MIR2052HG: variants seen among roughly 807,000 people sequenced by gnomAD.
MIR2052HG encodes MIR2052 host gene.
chr8:74,618,732 A>G (rs1808319492), intron 2 of MIR2052HG, among the ~76,000 whole-genome samples: 2 of 152,254 alleles, frequency 1.3e-5, no homozygotes, highest in African/African-American at 4.8e-5. Context: ...GAGATAAGGA[A>G]CAAGACAAAG....
chr8:74,667,283 G>A (rs999379842), intron 2 of MIR2052HG, among the ~76,000 whole-genome samples: 2 of 152,122 alleles, frequency 1.3e-5, no homozygotes, highest in African/African-American at 2.4e-5. Context: ...CAGGGCTGTG[G>A]CAGTAAGGGC....
Position 74,649,846 on chromosome 8 carries a change from T to A in MIR2052HG, n.216+36906T>A, listed in dbSNP as rs148715803. Among the ~76,000 whole-genome samples the A allele has an allele frequency of 2.4e-3, 358 of 152,208 alleles. 1 individual carries two copies. The highest frequency in any genetic ancestry group is 7.9e-3 in the African/African-American group (329 of 41,556). On this transcript the variant is annotated intron_variant and non_coding_transcript_variant, in intron 2 of 6. Transcript: ENST00000523442. The stretch of plus-strand genomic sequence containing the variant: ...AATATTTATGTAATATTTTATATTT[T>A]TTTTCAAAGAACTCTACATCTATAT...
intron 4 of MIR2052HG, among the ~76,000 whole-genome samples, chr8:74,744,987 G>A (rs756766402): frequency 6.6e-6 from 1 of 152,130 alleles, no homozygotes; most frequent in Non-Finnish European, 1.5e-5. Context: ...TACAAGGTCC[G>A]GGTGTGGTGG....
intron 4 of MIR2052HG, among the ~76,000 whole-genome samples, chr8:74,729,650 G>C (rs1044086851): frequency 1.3e-5 from 2 of 152,114 alleles, no homozygotes; most frequent in Non-Finnish European, 2.9e-5. Context: ...GTGTTGGAAG[G>C]AACATGATAG....
chr8:74,612,899 G>T, exon 2 of MIR2052HG: 1 of 456,260 alleles, frequency 2.2e-6, no homozygotes, highest in Non-Finnish European at 4.4e-6. Context: ...CAGCTTTGGA[G>T]CAAGTGGAGA....
chr8:74,683,887 C>G (rs1010931212), intron 2 of MIR2052HG, among the ~76,000 whole-genome samples: 5 of 152,038 alleles, frequency 3.3e-5, no homozygotes, highest in African/African-American at 9.7e-5. Context: ...GCTATGACCA[C>G]GGAACTTCAG....
chr8:74,687,462 T>A (rs2128739609), intron 2 of MIR2052HG, among the ~76,000 whole-genome samples: 1 of 152,184 alleles, frequency 6.6e-6, no homozygotes, highest in African/African-American at 2.4e-5. Context: ...CAGTGACAGA[T>A]GAATAGATAA....
At chr8:74,753,330 A>G (rs930558994) in intron 5 of MIR2052HG, among the ~76,000 whole-genome samples, 2 of 152,202 alleles carry the variant, frequency 1.3e-5, no homozygotes, top group Non-Finnish European at 2.9e-5. Context: ...AATATGTTAA[A>G]TTAGATTTTT....
In MIR2052HG at chr8:74,655,740, A is replaced by G. The variant is rs1808800001; in HGVS notation, n.216+42800A>G. Among the ~76,000 whole-genome samples the G allele has an allele frequency of 2.0e-5, 3 of 152,174 alleles. No individual in the cohort carries two copies. In the South Asian group the frequency reaches 6.2e-4, roughly 32 times the overall value. ...GGTTGGATCCCCCCCAAACACACAT[A>G]GCATCCATACTAGGGCATCATCTAG... On this transcript the variant is annotated intron_variant and non_coding_transcript_variant, in intron 2 of 6. Coordinates refer to ENST00000523442, the Ensembl canonical transcript of MIR2052HG.
At chr8:74,620,800 G>A (rs1460520691) in intron 2 of MIR2052HG, among the ~76,000 whole-genome samples, 2 of 152,330 alleles carry the variant, frequency 1.3e-5, no homozygotes, top group South Asian at 2.1e-4. Context: ...CATTGTCTTG[G>A]TGATTAACAT....
intron 4 of MIR2052HG, chr8:74,705,690 T>C (rs1215312909): frequency 5.9e-6 from 1 of 170,306 alleles, no homozygotes; most frequent in African/African-American, 2.4e-5. Context: ...GAAAAGCTGG[T>C]TGCTGTTTTG....
chr8:74,732,901 G>T (rs957232284), intron 4 of MIR2052HG, among the ~76,000 whole-genome samples: 1 of 152,100 alleles, frequency 6.6e-6, no homozygotes, highest in African/African-American at 2.4e-5. Context: ...GTAGGCTTGG[G>T]TAGGGAGTCT....
chr8:74,604,138 A>G, intron 1 of MIR2052HG: 1 of 890,460 alleles, frequency 1.1e-6, no homozygotes, highest in Non-Finnish European at 1.9e-6. Context: ...CATCTTCTTA[A>G]CTGATTCTCC....
intron 2 of MIR2052HG, among the ~76,000 whole-genome samples, chr8:74,623,947 A>G (rs1468218977): frequency 2.6e-5 from 4 of 152,184 alleles, no homozygotes; most frequent in Non-Finnish European, 5.9e-5. Flanking sequence ...TTAGAAAGGT[A>G]CTTTTTCTTA....
intron 4 of MIR2052HG, among the ~76,000 whole-genome samples, chr8:74,741,021 T>C (rs1021768916): frequency 2.0e-5 from 3 of 152,246 alleles, no homozygotes; most frequent in Non-Finnish European, 4.4e-5. Context: ...GTGGAAATAC[T>C]GAGTTAGGCT....
chr8:74,682,763 T>C (rs1161754158), intron 2 of MIR2052HG, among the ~76,000 whole-genome samples: 17 of 152,170 alleles, frequency 1.1e-4, no homozygotes, highest in Admixed American at 9.2e-4. Context: ...CTTCTTGATA[T>C]ATACACCCGA....
At chr8:74,696,140 G>GA (rs1809293641) in intron 2 of MIR2052HG, among the ~76,000 whole-genome samples, 1 of 151,932 alleles carries the variant, frequency 6.6e-6, no homozygotes, top group African/African-American at 2.4e-5. Context: ...GACCACAGTG[G>GA]AAAAAATTTG....
intron 2 of MIR2052HG, among the ~76,000 whole-genome samples, chr8:74,679,923 C>G (rs1356996104): frequency 6.6e-6 from 1 of 152,076 alleles, no homozygotes; most frequent in Non-Finnish European, 1.5e-5. Context: ...TCACCATCAC[C>G]TCTTCTATTT....
intron 1 of MIR2052HG, chr8:74,604,247 C>G (rs929847118): frequency 6.8e-6 from 6 of 879,100 alleles, no homozygotes; most frequent in Middle Eastern, 2.6e-4. Context: ...GTTTCCATGT[C>G]GAGCAGTGTT....
Sources: gnomAD v4.1 joint callset for allele counts (sites outside exome capture counted in the v4.1 genomes callset) on GRCh38, gnomAD v4.1.1 for gene constraint, MANE v1.5 for transcripts, NCBI Gene and HGNC (gene_info 2026-07-23, HGNC 2026-07-21) for gene names.